CDH20: variants seen among roughly 807,000 people sequenced by gnomAD.
The protein encoded by CDH20 is cadherin 20, also known as cadherin-20.
In CDH20, 29 loss-of-function variants were observed where a neutral mutation model predicts 74.2. The observed-to-expected ratio is 0.39, with a 90% confidence interval of 0.29 to 0.53. The LOEUF (loss-of-function observed/expected upper bound fraction) is 0.53, where lower values mean the gene tolerates loss of function less well. CDH20 is among the 20% of genes least tolerant of loss of function. The pLI, the probability that CDH20 is intolerant of heterozygous loss-of-function variation, is 0.69. For synonymous variants in CDH20, 469 were observed against 405.4 expected, an observed-to-expected ratio of 1.16 and a Z score of -1.88; for missense variants, 988 against 1,048.3, an observed-to-expected ratio of 0.94 and a Z score of 0.79.
chr18:61,357,385 C>A (rs1910527912), intron 1 of CDH20, among the ~76,000 whole-genome samples: 1 of 152,244 alleles, frequency 6.6e-6, no homozygotes, highest in South Asian at 2.1e-4. Flanking sequence ...CACCATTAAA[C>A]AACTAAGAGG....
intron 1 of CDH20, among the ~76,000 whole-genome samples, chr18:61,378,049 C>T (rs917192921): frequency 2.6e-5 from 4 of 152,134 alleles, no homozygotes; most frequent in Non-Finnish European, 4.4e-5. Context: ...AGTAGATTCC[C>T]AAGGGTCAAC....
At chr18:61,351,718 A>G (rs1910312667) in intron 1 of CDH20, among the ~76,000 whole-genome samples, 2 of 152,234 alleles carry the variant, frequency 1.3e-5, no homozygotes, top group Admixed American at 6.5e-5. Flanking sequence ...AAATCTGTGT[A>G]CAAGCTCTGT....
chr18:61,411,619 T>C (rs1239906441), intron 1 of CDH20, among the ~76,000 whole-genome samples: 1 of 110,934 alleles, frequency 9.0e-6, no homozygotes, highest in Non-Finnish European at 1.8e-5. Context: ...TATATATATA[T>C]GTGAGATATG....
Position 61,521,380 on chromosome 18 carries a change from A to G in CDH20, c.1018-6587A>G, listed in dbSNP as rs546638034. 2.0e-5 allele frequency among the ~76,000 whole-genome samples: 3 copies of G among 151,434 alleles called. No homozygotes were observed. The East Asian group carries it at 5.8e-4, about 29-fold the overall frequency. On this transcript the variant is annotated intron_variant, in intron 6 of 11. Transcript: ENST00000262717. Reference sequence around the variant, plus strand: ...CCCTCCCAAGACTAAACCAGTAAGAAGTCGAATCCCTGAATAGACCAATAA... The same window carrying G: ...CCCTCCCAAGACTAAACCAGTAAGAGGTCGAATCCCTGAATAGACCAATAA...
At chr18:61,417,214 G>T (rs1187054818) in intron 1 of CDH20, among the ~76,000 whole-genome samples, 1 of 151,886 alleles carries the variant, frequency 6.6e-6, no homozygotes, top group African/African-American at 2.4e-5. Context: ...AGATTATAGA[G>T]GTAAAATGAG....
At chr18:61,550,938 G>C (rs942684310) in intron 11 of CDH20, among the ~76,000 whole-genome samples, 1 of 152,206 alleles carries the variant, frequency 6.6e-6, no homozygotes, top group African/African-American at 2.4e-5. Context: ...AGAATAAGCT[G>C]TTTGGGGTGA....
At chr18:61,488,242 T>C (rs569841183) in intron 1 of CDH20, among the ~76,000 whole-genome samples, 11 of 152,286 alleles carry the variant, frequency 7.2e-5, no homozygotes, top group African/African-American at 2.6e-4. Flanking sequence ...ATTACAGAAT[T>C]AGACTGAGCC....
intron 2 of CDH20, among the ~76,000 whole-genome samples, chr18:61,494,874 C>T (rs573251109): frequency 6.6e-6 from 1 of 152,296 alleles, no homozygotes; most frequent in South Asian, 2.1e-4. Context: ...ACTGTAAGCA[C>T]TCACTGCATA....
intron 6 of CDH20, among the ~76,000 whole-genome samples, chr18:61,524,184 C>T (rs1434596635): frequency 6.6e-6 from 1 of 152,048 alleles, no homozygotes; most frequent in Non-Finnish European, 1.5e-5. Flanking sequence ...AAGACCTCCT[C>T]AAGAAGACAT....
At chr18:61,458,848 A>G (rs1010110272) in intron 1 of CDH20, among the ~76,000 whole-genome samples, 1 of 152,270 alleles carries the variant, frequency 6.6e-6, no homozygotes, top group African/African-American at 2.4e-5. Context: ...ATAAAGTAGC[A>G]TAGATTTGTT....
At chr18:61,481,179 G>T (rs1399717143) in intron 1 of CDH20, among the ~76,000 whole-genome samples, 1 of 152,038 alleles carries the variant, frequency 6.6e-6, no homozygotes, top group Non-Finnish European at 1.5e-5. Context: ...ACAATATGGA[G>T]AAAAAACAGA....
chr18:61,472,943 T>G (rs77936115), intron 1 of CDH20, among the ~76,000 whole-genome samples: 1,705 of 152,300 alleles, frequency 0.011, 29 homozygotes, highest in African/African-American at 0.038. Context: ...TTAGGACGGG[T>G]TGTGTACACA....
intron 4 of CDH20, among the ~76,000 whole-genome samples, chr18:61,501,691 A>T (rs994252798): frequency 6.6e-6 from 1 of 152,176 alleles, no homozygotes; most frequent in Non-Finnish European, 1.5e-5. Flanking sequence ...GTAGTAAGGG[A>T]GTGTAAATTA....
At chr18:61,501,364 G>A (rs532849237) in intron 4 of CDH20, among the ~76,000 whole-genome samples, 1 of 152,136 alleles carries the variant, frequency 6.6e-6, no homozygotes, top group South Asian at 2.1e-4. Flanking sequence ...TTATACTTGT[G>A]CCAGGCTTCC....
At chr18:61,435,475 A>C (rs1419026230) in intron 1 of CDH20, among the ~76,000 whole-genome samples, 1 of 152,126 alleles carries the variant, frequency 6.6e-6, no homozygotes, top group African/African-American at 2.4e-5. Flanking sequence ...GACAGTTTGC[A>C]TCATAAAGAG....
At chr18:61,351,469 T>C (rs1426414152) in intron 1 of CDH20, among the ~76,000 whole-genome samples, 4 of 152,204 alleles carry the variant, frequency 2.6e-5, no homozygotes, top group Non-Finnish European at 5.9e-5. Flanking sequence ...GGAGTAATAA[T>C]GCTGATCTCA....
intron 1 of CDH20, among the ~76,000 whole-genome samples, chr18:61,358,516 A>G (rs908937873): frequency 3.3e-5 from 5 of 152,056 alleles, no homozygotes; most frequent in African/African-American, 1.2e-4. Context: ...TTATATACGT[A>G]ATGGTGTGGG....
chr18:61,373,270 T>G (rs891326686), intron 1 of CDH20, among the ~76,000 whole-genome samples: 1 of 152,106 alleles, frequency 6.6e-6, no homozygotes, highest in African/African-American at 2.4e-5. Context: ...CTAACTTTTC[T>G]ACTTTGGGGT....
chr18:61,339,681 A>ATTTTTTTTTTTTTTTTT (rs898945778), intron 1 of CDH20, among the ~76,000 whole-genome samples: 5 of 88,420 alleles, frequency 5.7e-5, no homozygotes, highest in Non-Finnish European at 8.5e-5. Context: ...GGTCATAGAA[A>ATTTTTTTTTTTTTTTTT]TTTTTTTTTT....
Sources: allele counts gnomAD v4.1 joint callset (sites outside exome capture counted in the v4.1 genomes callset), GRCh38; gene constraint gnomAD v4.1.1; transcripts MANE v1.5; gene names NCBI Gene and HGNC (gene_info 2026-07-23, HGNC 2026-07-21).